The following SAMD3 variants were observed in gnomAD, a reference collection of about 807,000 sequenced individuals.
SAMD3 encodes sterile alpha motif domain containing 3, also known as sterile alpha motif domain-containing protein 3.
SAMD3 carries 63 observed loss-of-function variants against 58.5 expected under a neutral mutation model. The ratio of observed to expected loss-of-function variants is 1.08; its 90% CI spans 0.88 to 1.33. SAMD3 has a LOEUF of 1.33. SAMD3 is among the 40% of genes most tolerant of loss of function. The pLI is 0.00. For synonymous variants in SAMD3, 220 were observed against 210.3 expected, an observed-to-expected ratio of 1.05 and a Z score of -0.40; for missense variants, 604 against 608.4, an observed-to-expected ratio of 0.99 and a Z score of 0.08.
At chr6:130,188,509 A>G (rs1793215733) in intron 5 of SAMD3, among the ~76,000 whole-genome samples, 1 of 152,208 alleles carries the variant, frequency 6.6e-6, no homozygotes, top group Non-Finnish European at 1.5e-5. Context: ...TGGACACTTC[A>G]CTGGTCCGTG....
chr6:130,253,813 A>AT (rs756656871), intron 2 of SAMD3, among the ~76,000 whole-genome samples: 142 of 151,540 alleles, frequency 9.4e-4, no homozygotes, highest in Non-Finnish European at 1.5e-3. Flanking sequence ...CTTTTATGTG[A>AT]TTTTTCATCA....
intron 4 of SAMD3, among the ~76,000 whole-genome samples, chr6:130,211,233 C>T (rs1011230118): frequency 2.7e-5 from 4 of 150,862 alleles, no homozygotes; most frequent in Non-Finnish European, 3.0e-5. Flanking sequence ...CCCAGACATT[C>T]CTTTCTATTG....
At chr6:130,153,675 TA>T (rs1345488604) in intron 9 of SAMD3, among the ~76,000 whole-genome samples, 1 of 145,930 alleles carries the variant, frequency 6.9e-6, no homozygotes, top group African/African-American at 2.5e-5. Context: ...TTTATTTATT[TA>T]TTTATTTTTT....
At chr6:130,359,155 G>C (rs1777915292) in intron 1 of SAMD3, among the ~76,000 whole-genome samples, 1 of 152,166 alleles carries the variant, frequency 6.6e-6, no homozygotes. Flanking sequence ...AAAATGCTTA[G>C]AATAGTGCCC....
chr6:130,241,347 C>T (rs1000527308), intron 2 of SAMD3, among the ~76,000 whole-genome samples: 9 of 151,856 alleles, frequency 5.9e-5, no homozygotes, highest in African/African-American at 1.9e-4. Flanking sequence ...TCCCAAGGAG[C>T]TGGGACTACA....
At position 130,146,745 on chromosome 6, in the gene SAMD3, C is replaced by T. The variant is rs557333832; in HGVS notation, c.1024-564G>A. ...ATCCCAGCATTTTGGGAGGCCAGGG[C>T]AGGAGGATCACTTGAGCCCAGGAGT... On this transcript the variant is annotated intron_variant, in intron 9 of 11. Transcript: ENST00000439090. 3.3e-5 allele frequency among the ~76,000 whole-genome samples: 5 copies of T among 152,090 alleles called. No individual in the cohort carries two copies. The South Asian group carries it at 1.0e-3, about 32-fold the overall frequency.
chr6:130,235,888 C>T (rs983901615), intron 2 of SAMD3, among the ~76,000 whole-genome samples: 5 of 152,068 alleles, frequency 3.3e-5, no homozygotes, highest in African/African-American at 9.7e-5. Flanking sequence ...ATCATTTACT[C>T]CTCTGTGTGG....
intron 8 of SAMD3, among the ~76,000 whole-genome samples, chr6:130,155,335 A>T (rs1357751822): frequency 6.6e-6 from 1 of 152,254 alleles, no homozygotes; most frequent in Non-Finnish European, 1.5e-5. Context: ...GCTCATTTCT[A>T]TGCATTTCAA....
chr6:130,321,559 C>A (rs1220386155), intron 1 of SAMD3, among the ~76,000 whole-genome samples: 1 of 152,176 alleles, frequency 6.6e-6, no homozygotes, highest in Non-Finnish European at 1.5e-5. Flanking sequence ...CCTTAGAAAA[C>A]TATGTAAAAT....
At chr6:130,233,424 A>C (rs1475818620) in intron 2 of SAMD3, among the ~76,000 whole-genome samples, 1 of 152,164 alleles carries the variant, frequency 6.6e-6, no homozygotes, top group African/African-American at 2.4e-5. Flanking sequence ...ATTTCAAACT[A>C]AACATGGAAA....
At chr6:130,160,797 G>A (rs975404476) in intron 8 of SAMD3, 3 of 151,724 alleles carry the variant, frequency 2.0e-5, no homozygotes, top group East Asian at 2.0e-4. Flanking sequence ...GATTGTCAAC[G>A]AAGCCAAGGA....
In SAMD3 at chr6:130,175,846, T is replaced by C. The variant is rs1032338058; in HGVS notation, c.817A>G (p.Ile273Val). The C allele has an allele frequency of 6.2e-7, 1 of 1,606,924 alleles. No homozygotes were observed. Among genetic ancestry groups the C allele is most frequent in the African/African-American group, 1.3e-5 (1 of 74,686 alleles). The change falls in exon 8 of 12, where the codon ATA (isoleucine) becomes GTA (valine). Residue 273 changes from isoleucine (I) to valine (V), a missense_variant. Coordinates refer to ENST00000439090, the MANE Select transcript of SAMD3 (RefSeq NM_001017373.4). ...ATTTAGGAATTCAATCTTACTTTTA[T>C]CTGGACAAGTTTAATTTCATCAAAT... ...IRFDEIKLVQ[I>V]KEEAVCFDSE...
intron 1 of SAMD3, among the ~76,000 whole-genome samples, chr6:130,343,595 G>A (rs1473142253): frequency 6.6e-6 from 1 of 152,144 alleles, no homozygotes; most frequent in Non-Finnish European, 1.5e-5. Context: ...GTTAGGGGCT[G>A]GGTGTACTAA....
chr6:130,230,196 A>T (rs1482417049), intron 2 of SAMD3, among the ~76,000 whole-genome samples: 1 of 152,156 alleles, frequency 6.6e-6, no homozygotes, highest in African/African-American at 2.4e-5. Flanking sequence ...GAACGGTATT[A>T]TGTTGGAACT....
At chr6:130,326,366 CATT>C (rs1485074295) in intron 1 of SAMD3, among the ~76,000 whole-genome samples, 9 of 113,266 alleles carry the variant, frequency 7.9e-5, no homozygotes, top group African/African-American at 3.4e-4. Flanking sequence ...AATGCCTGGT[CATT>C]TTTTTTTTTT....
chr6:130,188,553 A>G (rs1255884522), intron 5 of SAMD3, among the ~76,000 whole-genome samples: 2 of 152,142 alleles, frequency 1.3e-5, no homozygotes, highest in South Asian at 4.2e-4. Flanking sequence ...TCGGCTCCCC[A>G]TTTATGCTCC....
intron 3 of SAMD3, 36 bp downstream of exon 3, chr6:130,215,159 C>T: frequency 9.0e-7 from 1 of 1,111,324 alleles, no homozygotes; most frequent in Non-Finnish European, 1.4e-6. Context: ...ATCTAGGCTG[C>T]TCAATTAAAA....
intron 2 of SAMD3, among the ~76,000 whole-genome samples, chr6:130,285,699 TA>T (rs1433837268): frequency 6.6e-6 from 1 of 152,272 alleles, no homozygotes; most frequent in East Asian, 1.9e-4. Flanking sequence ...TATTTTCTGT[TA>T]CTTGAAGCCA....
intron 2 of SAMD3, among the ~76,000 whole-genome samples, chr6:130,260,192 G>A (rs1774073197): frequency 6.6e-6 from 1 of 152,182 alleles, no homozygotes; most frequent in African/African-American, 2.4e-5. Context: ...GAAACTAAAG[G>A]CAGGTAGCCC....
Sources: gnomAD v4.1 joint callset for allele counts (sites outside exome capture counted in the v4.1 genomes callset) on GRCh38, gnomAD v4.1.1 for gene constraint, MANE v1.5 for transcripts, NCBI Gene and HGNC (gene_info 2026-07-23, HGNC 2026-07-21) for gene names.